Variants in DMD observed in about 807,000 individuals in gnomAD.
DMD encodes the protein dystrophin.
DMD carries 63 observed loss-of-function variants against 330.1 expected under a neutral mutation model. That is an observed-to-expected ratio of 0.19 (90% CI 0.16 to 0.24). The LOEUF (loss-of-function observed/expected upper bound fraction) is 0.24. Among genes scored for constraint, DMD ranks in the 10% least tolerant of loss-of-function variants. DMD has a pLI of 1.00. For synonymous variants in DMD, 1,223 were observed against 959.8 expected, an observed-to-expected ratio of 1.27 and a Z score of -5.07; for missense variants, 3,344 against 2,684.1, an observed-to-expected ratio of 1.25 and a Z score of -5.43.
chrX:31,440,147 C>CTT (rs56881685), intron 60 of DMD, among the ~76,000 whole-genome samples: 1 of 92,611 alleles, frequency 1.1e-5, no homozygotes, highest in Admixed American at 1.2e-4. Flanking sequence ...TAAAGTATTG[C>CTT]TTTTTTTTTT....
chrX:32,434,487 G>C (rs2038122), intron 29 of DMD, among the ~76,000 whole-genome samples: 1 of 110,677 alleles, frequency 9.0e-6, no homozygotes, highest in Non-Finnish European at 1.9e-5. Context: ...AAAATCAAGA[G>C]AATCATGGCC....
chrX:32,202,494 G>T, intron 44 of DMD, among the ~76,000 whole-genome samples: 1 of 111,629 alleles, frequency 9.0e-6, no homozygotes. Flanking sequence ...TGGGACTCTA[G>T]GCATGCACCA....
chrX:32,809,629 A>G lies in DMD; in HGVS notation c.531-18T>C. The G allele has an allele frequency of 8.9e-7, 1 of 1,118,757 alleles. No individual in the cohort carries two copies. The highest frequency in any genetic ancestry group is 1.8e-5 in the South Asian group (1 of 54,913). The allele number at this position is 1,118,757 out of a possible 1,213,427, so 92.2% of individuals were successfully genotyped here. ...GGTCTGGCCTAAAACACATACACAT[A>G]CACACATACACAAAGACAAATATAA... On this transcript the variant is annotated intron_variant, in intron 6 of 78. Transcript: ENST00000357033.
intron 43 of DMD, among the ~76,000 whole-genome samples, chrX:32,275,530 CA>C (rs1209250576): frequency 9.0e-6 from 1 of 111,710 alleles, no homozygotes; most frequent in Non-Finnish European, 1.9e-5. Context: ...ACAAGATACT[CA>C]AATGGAGAAA....
chrX:31,193,135 G>T (rs1276723133), intron 67 of DMD, among the ~76,000 whole-genome samples: 1 of 111,389 alleles, frequency 9.0e-6, no homozygotes, highest in Non-Finnish European at 1.9e-5. Flanking sequence ...TATTGAAGTG[G>T]CAAAAAGGAA....
rs765743205 is a variant in DMD, at chrX:32,413,086, T to A, written c.4072-1173A>T. ...AAATTTTGACTCCATTAAGATTTTA[T>A]CCTGGGCTTTCCTTTCTTCTCATTC... On this transcript the variant is annotated intron_variant, in intron 29 of 78. Transcript: ENST00000357033. Among the ~76,000 whole-genome samples, 26 of 110,791 alleles carry A rather than the reference T, an allele frequency of 2.3e-4. No individual in the cohort carries two copies. In the East Asian group the frequency reaches 7.4e-3, roughly 32 times the overall value.
chrX:31,518,692 C>T (rs1034475762), intron 55 of DMD, among the ~76,000 whole-genome samples: 1 of 110,684 alleles, frequency 9.0e-6, no homozygotes, highest in East Asian at 2.8e-4. Flanking sequence ...TGAAACAGGG[C>T]AGGAACTAAT....
chrX:31,449,689 G>C (rs1339086406), intron 59 of DMD, among the ~76,000 whole-genome samples: 1 of 104,173 alleles, frequency 9.6e-6, no homozygotes, highest in Non-Finnish European at 2.0e-5. Flanking sequence ...ACAAGCGACA[G>C]AGAGGGGAGA....
chrX:33,333,333 C>T (rs1295606992), intron 1 of DMD, among the ~76,000 whole-genome samples: 3 of 111,278 alleles, frequency 2.7e-5, no homozygotes, highest in African/African-American at 9.8e-5. Flanking sequence ...AAAAGCTCCC[C>T]CACGACAACT....
chrX:32,824,647 G>T (rs1420565193), intron 4 of DMD, among the ~76,000 whole-genome samples: 2 of 111,291 alleles, frequency 1.8e-5, no homozygotes, highest in East Asian at 5.7e-4. Context: ...GCAATATGAG[G>T]GACCCTTGTA....
Position 31,147,546 on chromosome X carries a change from A to G in DMD, c.10554-28T>C. On this transcript the variant is annotated intron_variant, in intron 74 of 78. Transcript: ENST00000357033. ...ATTGGCATCAAAAAAGTAAAAAAGAAAAAAAAAGAAAGAAAAAGAAAAAGA... is the reference window on the plus strand; with the variant it reads ...ATTGGCATCAAAAAAGTAAAAAAGAGAAAAAAAGAAAGAAAAAGAAAAAGA... The G allele has an allele frequency of 1.0e-6, 1 of 998,438 alleles. No individual in the cohort carries two copies. 82.3% of individuals were successfully genotyped at this position (998,438 alleles called of 1,213,427 possible). A position where few individuals can be genotyped will look rare whatever the true frequency, so the allele number is the denominator to read the frequency against.
intron 13 of DMD, among the ~76,000 whole-genome samples, chrX:32,585,474 G>A (rs1332484524): frequency 9.1e-6 from 1 of 109,842 alleles, no homozygotes; most frequent in Non-Finnish European, 1.9e-5. Context: ...GGCCGAGGCT[G>A]GCGGATCACG....
At chrX:32,481,664 T>A (rs1390321484) in intron 21 of DMD, among the ~76,000 whole-genome samples, 1 of 111,786 alleles carries the variant, frequency 8.9e-6, no homozygotes, top group Non-Finnish European at 1.9e-5. Context: ...TTTCTCCAAC[T>A]TATCATATAG....
chrX:32,763,000 A>G (rs1167521166), intron 7 of DMD, among the ~76,000 whole-genome samples: 1 of 111,561 alleles, frequency 9.0e-6, no homozygotes, highest in Non-Finnish European at 1.9e-5. Flanking sequence ...AATGTAACAT[A>G]ATTGGTTTCA....
intron 11 of DMD, among the ~76,000 whole-genome samples, chrX:32,626,375 G>A (rs766899356): frequency 3.8e-5 from 4 of 105,448 alleles, no homozygotes; most frequent in Non-Finnish European, 7.5e-5. Flanking sequence ...GGCTGAGGCA[G>A]GAGAATCACT....
chrX:31,256,947 C>T (rs1174639981), intron 63 of DMD, among the ~76,000 whole-genome samples: 11 of 110,291 alleles, frequency 1.0e-4, no homozygotes, highest in Non-Finnish European at 1.9e-5. Flanking sequence ...AAAAAGAAAA[C>T]CACCCAGAAT....
chrX:32,389,957 A>G, intron 31 of DMD, 114 bp downstream of exon 31: 1 of 623,007 alleles, frequency 1.6e-6, no homozygotes, highest in Non-Finnish European at 2.6e-6. Flanking sequence ...ATCAAATTAT[A>G]GTTTTCAAAT....
intron 55 of DMD, among the ~76,000 whole-genome samples, chrX:31,517,614 T>C (rs2404686): frequency 0.15 from 16,301 of 110,280 alleles, 1,043 homozygotes; most frequent in Middle Eastern, 0.27. Context: ...AGGGTAAATG[T>C]AGCAGGGTCA....
intron 48 of DMD, among the ~76,000 whole-genome samples, chrX:31,852,565 G>A (rs2093547671): frequency 9.0e-6 from 1 of 111,039 alleles, no homozygotes; most frequent in African/African-American, 3.3e-5. Context: ...GGCCCATGAA[G>A]CCTCAAAAAC....
Sources: gnomAD v4.1 joint callset for allele counts (sites outside exome capture counted in the v4.1 genomes callset) on GRCh38, gnomAD v4.1.1 for gene constraint, MANE v1.5 for transcripts, NCBI Gene and HGNC (gene_info 2026-07-23, HGNC 2026-07-21) for gene names.